TNPO3: variants seen among roughly 807,000 people sequenced by gnomAD.
TNPO3 encodes transportin 3.
In TNPO3, 65 loss-of-function variants were observed where a neutral mutation model predicts 122.8. The ratio of observed to expected loss-of-function variants is 0.53; its 90% CI spans 0.43 to 0.65. The LOEUF (loss-of-function observed/expected upper bound fraction) is 0.65. TNPO3 is among the 30% of genes least tolerant of loss of function. The probability of loss-of-function intolerance (pLI) is 0.00; values close to 1 mark genes in which losing one functional copy is unlikely to be tolerated. For missense variants in TNPO3, 850 were observed against 1,136.7 expected, an observed-to-expected ratio of 0.75 and a Z score of 3.63; for synonymous variants, 372 against 411.2, an observed-to-expected ratio of 0.90 and a Z score of 1.15.
In TNPO3 at chr7:128,957,259, C is replaced by T. The variant is rs750548861; in HGVS notation, c.2768G>A (p.Arg923Gln). Residue 923 changes from arginine to glutamine, a missense_variant, in exon 22 of 23, where the codon CGA (arginine) becomes CAA (glutamine). Coordinates refer to ENST00000265388, the MANE Select transcript of TNPO3 (RefSeq NM_012470.4). ...WALRDFTRLF[R>Q] ...GGCACAGTGCAGGAGTGTGAGCTAT[C>T]GAAACAACCTGGTGAAGTCTCGCAA... The T allele has an allele frequency of 2.5e-6, 4 of 1,613,906 alleles. No individual in the cohort carries two copies. Among genetic ancestry groups the T allele is most frequent in the African/African-American group, 1.3e-5 (1 of 74,910 alleles).
chr7:129,043,521 T>C (rs1397872603), intron 1 of TNPO3, among the ~76,000 whole-genome samples: 2 of 152,226 alleles, frequency 1.3e-5, no homozygotes, highest in Non-Finnish European at 2.9e-5. Flanking sequence ...GAGACAAGCA[T>C]TTTTAAATAA....
chr7:128,974,972 A>G lies in TNPO3; in HGVS notation c.2179-10T>C. 1.2e-6 allele frequency: 2 copies of G among 1,610,532 alleles called. No homozygotes were observed. Among genetic ancestry groups the G allele is most frequent in the Non-Finnish European group, 1.7e-6 (2 of 1,176,864 alleles). On this transcript the variant is annotated splice_polypyrimidine_tract_variant and intron_variant, in intron 17 of 22. Transcript: ENST00000265388. ...TGGGGATGCACAGTGCCTAAAACAA[A>G]ACAGTGATTTTAAAAGAAATGCTTT...
chr7:129,012,309 C>T (rs1803311688), intron 4 of TNPO3, among the ~76,000 whole-genome samples: 1 of 152,008 alleles, frequency 6.6e-6, no homozygotes, highest in Non-Finnish European at 1.5e-5. Flanking sequence ...CCCAGCCCTC[C>T]AATGAATTTC....
intron 15 of TNPO3, 54 bp downstream of exon 15, chr7:128,979,917 C>T: frequency 6.5e-7 from 1 of 1,538,732 alleles, no homozygotes; most frequent in Non-Finnish European, 9.0e-7. Context: ...ACCCAAAGCC[C>T]TGTAAGGAAA....
intron 12 of TNPO3, among the ~76,000 whole-genome samples, chr7:128,986,496 T>C (rs1800165129): frequency 6.6e-6 from 1 of 152,266 alleles, no homozygotes; most frequent in South Asian, 2.1e-4. Context: ...AGGTCGGTGC[T>C]ATATATACCG....
intron 1 of TNPO3, 82 bp downstream of exon 1, chr7:129,054,569 C>T (rs540858700): frequency 5.9e-5 from 94 of 1,580,206 alleles, no homozygotes; most frequent in Middle Eastern, 4.5e-4. Flanking sequence ...AGGTCAACTG[C>T]CGGGCTCAGG....
intron 1 of TNPO3, among the ~76,000 whole-genome samples, chr7:129,049,359 C>T (rs2167273): frequency 0.37 from 55,879 of 151,976 alleles, 11,435 homozygotes; most frequent in Non-Finnish European, 0.45. Context: ...CTAGATCTGA[C>T]AAGAGGAGAA....
intron 20 of TNPO3, among the ~76,000 whole-genome samples, chr7:128,969,821 G>A (rs1231246930): frequency 1.3e-5 from 2 of 152,156 alleles, no homozygotes; most frequent in Non-Finnish European, 2.9e-5. Context: ...TGAGTAATAC[G>A]TAACTAATAT....
At chr7:129,038,427 C>T (rs1806964094) in intron 1 of TNPO3, among the ~76,000 whole-genome samples, 1 of 152,152 alleles carries the variant, frequency 6.6e-6, no homozygotes, top group South Asian at 2.1e-4. Flanking sequence ...TGTGGCGATT[C>T]CTTGAAGAGC....
chr7:129,020,950 A>C (rs1270978679), intron 1 of TNPO3, among the ~76,000 whole-genome samples: 1 of 152,190 alleles, frequency 6.6e-6, no homozygotes, highest in Non-Finnish European at 1.5e-5. Context: ...TAAATGTGGA[A>C]GCAGAGGCAA....
At chr7:128,990,411 TG>T (rs1050575132) in intron 10 of TNPO3, among the ~76,000 whole-genome samples, 8 of 152,236 alleles carry the variant, frequency 5.3e-5, no homozygotes, top group Non-Finnish European at 1.5e-5. Flanking sequence ...TTACTGTGGA[TG>T]AATGTCTTCT....
intron 1 of TNPO3, among the ~76,000 whole-genome samples, chr7:129,032,521 G>T (rs1185564349): frequency 6.6e-6 from 1 of 152,154 alleles, no homozygotes; most frequent in African/African-American, 2.4e-5. Context: ...TGGCAAAGTT[G>T]CAGGTCACAA....
At chr7:129,011,915 T>G (rs761800073) in intron 4 of TNPO3, among the ~76,000 whole-genome samples, 3 of 152,166 alleles carry the variant, frequency 2.0e-5, no homozygotes, top group Admixed American at 1.3e-4. Context: ...TCCATAAAAC[T>G]ATTTCTTTAA....
intron 1 of TNPO3, among the ~76,000 whole-genome samples, chr7:129,051,249 C>CA (rs1164178482): frequency 2.0e-5 from 3 of 150,324 alleles, no homozygotes; most frequent in Non-Finnish European, 4.4e-5. Context: ...ATAAAGATTT[C>CA]AAAAAAAACT....
chr7:128,974,132 C>CCATTG (rs1798812623), intron 18 of TNPO3, among the ~76,000 whole-genome samples: 1 of 151,816 alleles, frequency 6.6e-6, no homozygotes, highest in Non-Finnish European at 1.5e-5. Flanking sequence ...CGAGATCATG[C>CCATTG]CATTGCACTC....
chr7:129,028,192 T>G (rs913377566), intron 1 of TNPO3, among the ~76,000 whole-genome samples: 2 of 152,212 alleles, frequency 1.3e-5, no homozygotes, highest in African/African-American at 4.8e-5. Flanking sequence ...CACTAAGTTA[T>G]ACACTTGTAT....
At chr7:128,991,452 C>T (rs1386535109) in intron 10 of TNPO3, among the ~76,000 whole-genome samples, 1 of 152,078 alleles carries the variant, frequency 6.6e-6, no homozygotes, top group Non-Finnish European at 1.5e-5. Flanking sequence ...GGCTTCGTGT[C>T]ATAAATAGAA....
At chr7:129,053,671 T>C (rs1203474312) in intron 1 of TNPO3, among the ~76,000 whole-genome samples, 2 of 151,930 alleles carry the variant, frequency 1.3e-5, no homozygotes, top group Non-Finnish European at 2.9e-5. Context: ...CCAAAAAAAA[T>C]ATGGTTGTGA....
intron 1 of TNPO3, chr7:129,041,506 GA>G (rs557528736): frequency 1.9e-4 from 184 of 971,070 alleles, no homozygotes; most frequent in Non-Finnish European, 2.2e-4. Flanking sequence ...GGAAGGAAGA[GA>G]ATCAAGGAAG....
Sources: allele counts gnomAD v4.1 joint callset (sites outside exome capture counted in the v4.1 genomes callset), GRCh38; gene constraint gnomAD v4.1.1; transcripts MANE v1.5; gene names NCBI Gene and HGNC (gene_info 2026-07-23, HGNC 2026-07-21).